Variants in DNAH5 observed in about 807,000 individuals in gnomAD.
The protein encoded by DNAH5 is axonemal beta dynein heavy chain 5.
A neutral mutation model predicts 518.2 loss-of-function variants in DNAH5; 372 were observed. The ratio of observed to expected loss-of-function variants is 0.72; its 90% CI spans 0.66 to 0.78. DNAH5 has a LOEUF of 0.78. DNAH5 is among the 30% of genes least tolerant of loss of function. The probability of loss-of-function intolerance (pLI) is 0.00; values close to 1 mark genes in which losing one functional copy is unlikely to be tolerated. For missense variants in DNAH5, 5,523 were observed against 5,687.0 expected (o/e 0.97, Z 0.93); for synonymous variants, 2,039 against 2,025.9 (o/e 1.01, Z -0.17).
rs1319852476 is a variant in DNAH5, at chr5:13,920,502, A to G, written c.776T>C (p.Val259Ala). The G allele has an allele frequency of 6.2e-7, 1 of 1,614,116 alleles. No individual in the cohort carries two copies. The highest frequency in any genetic ancestry group is 1.7e-5 in the Admixed American group (1 of 60,022). ...TACCTGTTCTGTCTGTTTGATCCAT[A>G]CTTTCATGCAATCCTCTATTTTTCC... ...TLGKIEDCMK[V>A]WIKQTEQVLA... is the part of the protein sequence containing the mutation. The change falls in exon 6 of 79, where the codon GTA becomes GCA. Residue 259 changes from valine to alanine, a missense_variant. Coordinates refer to ENST00000265104, the MANE Select transcript of DNAH5 (RefSeq NM_001369.3).
intron 68 of DNAH5, among the ~76,000 whole-genome samples, chr5:13,732,265 C>G (rs938126372): frequency 2.6e-5 from 4 of 152,158 alleles, no homozygotes; most frequent in African/African-American, 9.7e-5. Context: ...ATTCCAAGTT[C>G]AAGGCACCAG....
chr5:13,732,005 A>C (rs1365162614), intron 68 of DNAH5, among the ~76,000 whole-genome samples: 1 of 151,872 alleles, frequency 6.6e-6, no homozygotes, highest in African/African-American at 2.4e-5. Flanking sequence ...TATTGGCATG[A>C]GCTTGTAGTC....
intron 35 of DNAH5, 49 bp downstream of exon 35, chr5:13,839,306 CA>C: frequency 1.8e-5 from 28 of 1,573,566 alleles, no homozygotes; most frequent in Non-Finnish European, 2.4e-5. Context: ...ATCCCCTGAG[CA>C]ACTCGAGAGA....
rs745968293 is a variant in DNAH5 at position 13,864,509 on chromosome 5, T to A, written c.4484A>T (p.His1495Leu). The A allele has an allele frequency of 1.2e-6, 2 of 1,614,128 alleles. No homozygotes were observed. Among genetic ancestry groups the A allele is most frequent in the Admixed American group, 3.3e-5 (2 of 60,020 alleles). ...YMASKAMMERHWERITTLTGH... is the reference protein window; with the variant it reads ...YMASKAMMERLWERITTLTGH... Reference sequence around the variant, plus strand: ...GGTGAGGGTGGTTATCCTTTCCCAGTGCCGCTCCATCATGGCTTTACTGGC... The same window carrying A: ...GGTGAGGGTGGTTATCCTTTCCCAGAGCCGCTCCATCATGGCTTTACTGGC... The change falls in exon 28 of 79, where the codon CAC becomes CTC. Residue 1495 changes from histidine to leucine, a missense_variant. By Grantham distance (99) the His-to-Leu change is moderately conservative. Transcript: ENST00000265104.
intron 43 of DNAH5, 102 bp from the exon 44 acceptor site, chr5:13,811,925 T>C (rs1475198693): frequency 1.1e-6 from 1 of 943,366 alleles, no homozygotes; most frequent in Non-Finnish European, 1.7e-6. Context: ...ATAATGATAA[T>C]ATCTAATGAT....
chr5:13,768,858 C>A, intron 58 of DNAH5, 102 bp downstream of exon 58: 1 of 1,310,216 alleles, frequency 7.6e-7, no homozygotes. Flanking sequence ...ATAGAGCTTT[C>A]ATCTGAACCA....
At chr5:13,771,462 C>T (rs1473393074) in intron 55 of DNAH5, among the ~76,000 whole-genome samples, 2 of 152,158 alleles carry the variant, frequency 1.3e-5, no homozygotes, top group Non-Finnish European at 2.9e-5. Context: ...ATGCTGGAGT[C>T]ATCTTGTTCT....
chr5:13,814,787 T>G lies in DNAH5; in HGVS notation c.7048A>C (p.Asn2350His). The G allele has an allele frequency of 6.2e-7, 1 of 1,613,908 alleles. No homozygotes were observed. The highest frequency in any genetic ancestry group is 8.5e-7 in the Non-Finnish European group (1 of 1,179,956). Residue 2350 changes from asparagine to histidine, a missense_variant, in exon 43 of 79, where the codon AAT becomes CAT. Transcript: ENST00000265104. ...GTTTTGTTATCATCCAAAACAGAAT[T>G]CAGATTTTCAATCCAGATGGCATCT... Reference protein sequence around the residue: ...PVDAIWIENLNSVLDDNKTLT... With the variant: ...PVDAIWIENLHSVLDDNKTLT...
chr5:13,984,984 T>C (rs1782932996), intron 1 of DNAH5, among the ~76,000 whole-genome samples: 1 of 152,162 alleles, frequency 6.6e-6, no homozygotes, highest in Non-Finnish European at 1.5e-5. Flanking sequence ...CACATGTATG[T>C]TTATTGCGGC....
rs1369794889 is a variant in DNAH5, at chr5:13,770,735, A to T, written c.9605+14T>A. The T allele has an allele frequency of 6.2e-7, 1 of 1,609,134 alleles. No homozygotes were observed. Among genetic ancestry groups the T allele is most frequent in the South Asian group, 1.1e-5 (1 of 90,928 alleles). On this transcript the variant is annotated intron_variant, in intron 56 of 78. Transcript: ENST00000265104. ...CGGCTTTAATATAGCTTTGTATAAG[A>T]ACATCACACTTACCTGTTGGCCAGG...
In DNAH5 at chr5:13,770,766, CA is replaced by C; in HGVS notation, c.9587del (p.Val3196GlyfsTer8). On this transcript the variant is annotated frameshift_variant, in exon 56 of 79. Transcript: ENST00000265104. LOFTEE classifies it high-confidence loss of function. Reference protein sequence around the residue: ...KFIYGEKHVEVRTLANRMNTG... With the variant: ...KFIYGEKHVEXRTLANRMNTG... ...ACACTTACCTGTTGGCCAGGGTCCG[CA>C]CCTCCACATGCTTTTCTCCATATAT... 1 of 1,613,994 alleles carries C rather than the reference CA, an allele frequency of 6.2e-7. No individual in the cohort carries two copies. Among genetic ancestry groups the C allele is most frequent in the Non-Finnish European group, 8.5e-7 (1 of 1,179,930 alleles).
intron 13 of DNAH5, among the ~76,000 whole-genome samples, chr5:13,901,838 G>C (rs1252982837): frequency 6.6e-6 from 1 of 152,056 alleles, no homozygotes; most frequent in Admixed American, 6.5e-5. Flanking sequence ...GTACTTCAAA[G>C]CTAAGAGTAT....
intron 35 of DNAH5, among the ~76,000 whole-genome samples, chr5:13,837,122 C>T (rs1470741252): frequency 6.6e-6 from 1 of 152,204 alleles, no homozygotes; most frequent in East Asian, 1.9e-4. Flanking sequence ...CACCTGATTA[C>T]AATCCCGTGA....
chr5:13,715,049 G>C (rs1161275250), intron 74 of DNAH5, among the ~76,000 whole-genome samples: 1 of 152,052 alleles, frequency 6.6e-6, no homozygotes. Context: ...CCAAATAAAG[G>C]CAGCACGTGG....
rs141935657 is a variant in DNAH5, at chr5:13,718,889, T to C, written c.12492A>G (p.Thr4164=). The change falls in exon 72 of 79, where the codon ACA becomes ACG. Residue 4164 remains threonine (T), a synonymous_variant. Transcript: ENST00000265104. The stretch of plus-strand genomic sequence containing the variant: ...AAGTATTTCTGGACTCACCACTATA[T>C]GTTCTTTTCAGTCCTGCCCGGAGTC... ...PQGLRAGLKR[T]YSGVSQDLLD... 2.5e-6 allele frequency: 4 copies of C among 1,612,024 alleles called. No homozygotes were observed. The highest frequency in any genetic ancestry group is 3.3e-5 in the Admixed American group (2 of 60,006).
intron 1 of DNAH5, among the ~76,000 whole-genome samples, chr5:13,965,357 A>C (rs1781459267): frequency 6.6e-6 from 1 of 152,214 alleles, no homozygotes; most frequent in African/African-American, 2.4e-5. Context: ...CTTCTAAGTA[A>C]AATAATATTT....
chr5:13,846,712 G>A (rs892828141), intron 31 of DNAH5, among the ~76,000 whole-genome samples: 14 of 152,158 alleles, frequency 9.2e-5, no homozygotes, highest in Non-Finnish European at 1.5e-4. Flanking sequence ...CTGGGCATGT[G>A]GGTTGAAATC....
At chr5:13,969,849 C>T (rs1269496723) in intron 1 of DNAH5, among the ~76,000 whole-genome samples, 1 of 152,006 alleles carries the variant, frequency 6.6e-6, no homozygotes, top group African/African-American at 2.4e-5. Flanking sequence ...AGTTTAAGTC[C>T]ATTGTTTCTT....
In DNAH5 at chr5:13,690,745, C is replaced by G. The variant is rs1417147778; in HGVS notation, c.*1239G>C. The G allele has an allele frequency of 6.6e-6, 1 of 152,060 alleles. No individual in the cohort carries two copies. The highest frequency in any genetic ancestry group is 1.5e-5 in the Non-Finnish European group (1 of 68,006). The allele number at this position is 152,060 out of a possible 1,614,324, so 9.4% of individuals were successfully genotyped here. Reference sequence around the variant, plus strand: ...TGAAGAATTATTAATAACATCTAACCAGAATTTAAAGAAAAATACGTGAAA... The same window carrying G: ...TGAAGAATTATTAATAACATCTAACGAGAATTTAAAGAAAAATACGTGAAA... On this transcript the variant is annotated 3_prime_UTR_variant, in exon 79 of 79. Coordinates refer to ENST00000265104, the MANE Select transcript of DNAH5 (RefSeq NM_001369.3).
Sources: gnomAD v4.1 joint callset for allele counts (sites outside exome capture counted in the v4.1 genomes callset) on GRCh38, gnomAD v4.1.1 for gene constraint, MANE v1.5 for transcripts, NCBI Gene and HGNC (gene_info 2026-07-23, HGNC 2026-07-21) for gene names.